ASXL3: variants seen among roughly 807,000 people sequenced by gnomAD.
The protein encoded by ASXL3 is putative Polycomb group protein ASXL3.
In ASXL3, 34 loss-of-function variants were observed where a neutral mutation model predicts 170.6. The ratio of observed to expected loss-of-function variants is 0.20; its 90% CI spans 0.15 to 0.27. The LOEUF (loss-of-function observed/expected upper bound fraction) is 0.27. Among genes scored for constraint, ASXL3 ranks in the 10% least tolerant of loss-of-function variants. The pLI is 1.00. For synonymous variants in ASXL3, 1,002 were observed against 989.1 expected, an observed-to-expected ratio of 1.01 and a Z score of -0.24; for missense variants, 2,592 against 2,695.3, an observed-to-expected ratio of 0.96 and a Z score of 0.85.
intron 7 of ASXL3, among the ~76,000 whole-genome samples, chr18:33,681,196 C>A (rs372596034): frequency 6.6e-6 from 1 of 151,964 alleles, no homozygotes; most frequent in South Asian, 2.1e-4. Context: ...TTTATTTCCA[C>A]TTTGTTTGAT....
At chr18:33,694,162 C>G (rs2066734309) in intron 8 of ASXL3, among the ~76,000 whole-genome samples, 1 of 152,084 alleles carries the variant, frequency 6.6e-6, no homozygotes, top group South Asian at 2.1e-4. Flanking sequence ...CTAGTTCTTC[C>G]CTCAATCCCC....
intron 2 of ASXL3, among the ~76,000 whole-genome samples, chr18:33,623,281 A>C (rs947943217): frequency 6.6e-6 from 1 of 152,150 alleles, no homozygotes; most frequent in Non-Finnish European, 1.5e-5. Flanking sequence ...ATAGGACTGC[A>C]GTTTGCTTAA....
At chr18:33,685,489 C>A (rs2066579532) in intron 8 of ASXL3, among the ~76,000 whole-genome samples, 1 of 152,214 alleles carries the variant, frequency 6.6e-6, no homozygotes, top group South Asian at 2.1e-4. Flanking sequence ...ACAACAATTT[C>A]TTCCACTTCA....
At chr18:33,640,472 A>G (rs550417654) in intron 2 of ASXL3, among the ~76,000 whole-genome samples, 7 of 152,188 alleles carry the variant, frequency 4.6e-5, no homozygotes, top group African/African-American at 1.2e-4. Context: ...ATGTGTGTTT[A>G]GGAGCCATCC....
At chr18:33,594,242 G>A (rs79097379) in intron 1 of ASXL3, among the ~76,000 whole-genome samples, 3,934 of 152,266 alleles carry the variant, frequency 0.026, 181 homozygotes, top group African/African-American at 0.09. Flanking sequence ...AGTAAGACTT[G>A]TTGTGAGTCC....
chr18:33,712,102 G>T (rs1210176856), intron 8 of ASXL3, among the ~76,000 whole-genome samples: 2 of 152,108 alleles, frequency 1.3e-5, no homozygotes, highest in African/African-American at 2.4e-5. Context: ...TTTGAGAACT[G>T]TTGTTGATGC....
chr18:33,695,835 T>C (rs572534388), intron 8 of ASXL3, among the ~76,000 whole-genome samples: 1 of 152,282 alleles, frequency 6.6e-6, no homozygotes, highest in South Asian at 2.1e-4. Flanking sequence ...CACTAGCATA[T>C]TGGATTACTA....
intron 4 of ASXL3, among the ~76,000 whole-genome samples, chr18:33,650,549 T>C (rs2065980994): frequency 6.6e-6 from 1 of 152,020 alleles, no homozygotes. Context: ...CATCCTAAAT[T>C]CCAGAGGAAA....
At chr18:33,696,836 C>T (rs2066781046) in intron 8 of ASXL3, among the ~76,000 whole-genome samples, 1 of 152,138 alleles carries the variant, frequency 6.6e-6, no homozygotes, top group Non-Finnish European at 1.5e-5. Flanking sequence ...GAAGGCTCAG[C>T]CTCAATGATG....
At chr18:33,605,204 A>G (rs992561672) in intron 1 of ASXL3, among the ~76,000 whole-genome samples, 11 of 151,976 alleles carry the variant, frequency 7.2e-5, no homozygotes, top group African/African-American at 2.7e-4. Flanking sequence ...GTAGCTTAAG[A>G]TGCCTTTGTG....
chr18:33,627,496 C>T (rs1035292615), intron 2 of ASXL3, among the ~76,000 whole-genome samples: 4 of 151,886 alleles, frequency 2.6e-5, no homozygotes, highest in Admixed American at 6.6e-5. Context: ...TGTATATATC[C>T]AGAGCCTTTT....
chr18:33,582,740 G>GTGTTTT (rs1555715530), intron 1 of ASXL3, among the ~76,000 whole-genome samples: 16 of 145,434 alleles, frequency 1.1e-4, no homozygotes, highest in African/African-American at 4.1e-4. Context: ...GTGTGTGTGT[G>GTGTTTT]TTTTCTTGGT....
At chr18:33,675,076 C>A (rs1479926941) in intron 7 of ASXL3, among the ~76,000 whole-genome samples, 2 of 152,182 alleles carry the variant, frequency 1.3e-5, no homozygotes, top group East Asian at 3.9e-4. Flanking sequence ...GTAGTCCTTA[C>A]TACAACCATC....
chr18:33,723,092 C>A (rs1004717242), intron 8 of ASXL3, among the ~76,000 whole-genome samples: 4 of 152,104 alleles, frequency 2.6e-5, no homozygotes, highest in African/African-American at 4.8e-5. Context: ...GCAGTGGGGT[C>A]ACTGAAGAAG....
intron 8 of ASXL3, among the ~76,000 whole-genome samples, chr18:33,702,195 C>A (rs112232413): frequency 6.6e-6 from 1 of 152,114 alleles, no homozygotes; most frequent in Non-Finnish European, 1.5e-5. Flanking sequence ...TCTGTTAAAT[C>A]CAACATCAAG....
intron 5 of ASXL3, among the ~76,000 whole-genome samples, chr18:33,666,783 TA>T (rs201060600): frequency 5.9e-5 from 9 of 151,326 alleles, no homozygotes; most frequent in Admixed American, 4.6e-4. Context: ...CCAACAGATG[TA>T]AAAAAAAATA....
intron 2 of ASXL3, among the ~76,000 whole-genome samples, chr18:33,644,479 T>G (rs996448114): frequency 8.0e-5 from 11 of 138,008 alleles, no homozygotes; most frequent in African/African-American, 2.9e-4. Flanking sequence ...GGTTTTTTTG[T>G]TTTTTTTTTT....
chr18:33,634,278 T>C (rs2145178766), intron 2 of ASXL3, among the ~76,000 whole-genome samples: 1 of 151,850 alleles, frequency 6.6e-6, no homozygotes, highest in East Asian at 1.9e-4. Flanking sequence ...GTACCCACGT[T>C]CCAACAAACA....
At chr18:33,658,229 C>T (rs1279506803) in intron 4 of ASXL3, among the ~76,000 whole-genome samples, 4 of 152,080 alleles carry the variant, frequency 2.6e-5, no homozygotes, top group Admixed American at 6.6e-5. Flanking sequence ...AGGCCAAAGT[C>T]AGTCTCTTAG....
Sources: gnomAD v4.1 joint callset for allele counts (sites outside exome capture counted in the v4.1 genomes callset) on GRCh38, gnomAD v4.1.1 for gene constraint, MANE v1.5 for transcripts, NCBI Gene and HGNC (gene_info 2026-07-23, HGNC 2026-07-21) for gene names.